The following ZSCAN5B variants were observed in gnomAD, a reference collection of about 807,000 sequenced individuals.
ZSCAN5B encodes zinc finger and SCAN domain-containing protein 5B.
Under a neutral mutation model 25.2 loss-of-function variants are expected in ZSCAN5B, and 26 were observed. The observed-to-expected ratio is 1.03, with a 90% CI of 0.76 to 1.43. ZSCAN5B has a LOEUF of 1.43. Ranked by LOEUF, ZSCAN5B falls within the 40% of genes most tolerant of loss-of-function variation. The pLI, the probability that ZSCAN5B is intolerant of heterozygous loss-of-function variation, is 0.00. For missense variants in ZSCAN5B, 745 were observed against 622.1 expected, an observed-to-expected ratio of 1.20 and a Z score of -2.10; for synonymous variants, 244 against 240.9, an observed-to-expected ratio of 1.01 and a Z score of -0.12.
chr19:56,190,585 G>A lies in ZSCAN5B; in HGVS notation c.740-10C>T. ...TTTGCTCTCACCAGATCTGGTGGAA[G>A]AAGGGATTCCACACACAACAGTTAA... On this transcript the variant is annotated splice_polypyrimidine_tract_variant and intron_variant, in intron 4 of 4. Coordinates refer to ENST00000586855, the Ensembl canonical transcript of ZSCAN5B. 6.2e-7 allele frequency: 1 copy of A among 1,608,668 alleles called. No homozygotes were observed. The highest frequency in any genetic ancestry group is 8.5e-7 in the Non-Finnish European group (1 of 1,178,870).
exon 4 of ZSCAN5B, chr19:56,190,962 C>A: frequency 6.2e-7 from 1 of 1,614,052 alleles, no homozygotes; most frequent in South Asian, 1.1e-5. Context: ...TACGTCAATA[C>A]TCTTGTGTAG....
chr19:56,191,615 T>A (rs1225305773), intron 3 of ZSCAN5B, among the ~76,000 whole-genome samples: 2 of 151,696 alleles, frequency 1.3e-5, no homozygotes, highest in Non-Finnish European at 2.9e-5. Flanking sequence ...ACTGAGACCA[T>A]TTCTTACCCA....
chr19:56,190,397 A>C (rs527687405), exon 5 of ZSCAN5B: 2 of 1,613,998 alleles, frequency 1.2e-6, no homozygotes, highest in African/African-American at 2.7e-5. Context: ...CTTCTTGGGA[A>C]ATGGAGGAGG....
exon 5 of ZSCAN5B, chr19:56,190,561 T>G: frequency 6.2e-7 from 1 of 1,612,412 alleles, no homozygotes; most frequent in Non-Finnish European, 8.5e-7. Context: ...TTCCCCTCCT[T>G]TGCTCTCACC....
At chr19:56,193,144 T>G in exon 2 of ZSCAN5B, 1 of 1,363,696 alleles carries the variant, frequency 7.3e-7, no homozygotes, top group Non-Finnish European at 9.7e-7. Context: ...TGCCCCTGTT[T>G]CTTCTCAGTA....
chr19:56,194,887 G>A (rs2032788713), intron 1 of ZSCAN5B, among the ~76,000 whole-genome samples: 1 of 152,182 alleles, frequency 6.6e-6, no homozygotes. Context: ...ATAGGCGTGA[G>A]CCATCGCGCA....
intron 1 of ZSCAN5B, among the ~76,000 whole-genome samples, chr19:56,196,675 C>T (rs534839515): frequency 1.3e-4 from 20 of 152,244 alleles, no homozygotes; most frequent in African/African-American, 4.1e-4. Context: ...CTCTGGGAGG[C>T]GGAGGTGGCA....
rs765870687 is a variant in ZSCAN5B at position 56,192,989 on chromosome 19, T to A, written c.64A>T (p.Thr22Ser). 1.9e-6 allele frequency: 3 copies of A among 1,606,480 alleles called. No individual in the cohort carries two copies. In the South Asian group the frequency reaches 3.3e-5, roughly 18 times the overall value. ...TCTGGGGACGCCACAGACCGTGGAGTGTCTGACCCAGGGCTGTTGCAGGGT... is the reference window on the plus strand; with the variant it reads ...TCTGGGGACGCCACAGACCGTGGAGAGTCTGACCCAGGGCTGTTGCAGGGT... Residue 22 changes from threonine to serine, a missense_variant, in exon 2 of 5, where the codon ACT becomes TCT. Physicochemically the swap from Thr to Ser is moderately conservative, Grantham distance 58. Transcript: ENST00000586855.
intron 1 of ZSCAN5B, among the ~76,000 whole-genome samples, chr19:56,195,997 T>C (rs963833450): frequency 1.1e-4 from 16 of 152,296 alleles, no homozygotes; most frequent in African/African-American, 3.9e-4. Flanking sequence ...AATTCTGGGA[T>C]TACGTGTGAG....
intron 1 of ZSCAN5B, among the ~76,000 whole-genome samples, chr19:56,195,219 G>A (rs1391536695): frequency 6.6e-6 from 1 of 152,074 alleles, no homozygotes; most frequent in Non-Finnish European, 1.5e-5. Context: ...ACCCAGAGGA[G>A]GAGACAATAT....
chr19:56,197,236 G>A (rs1226256247), intron 1 of ZSCAN5B, among the ~76,000 whole-genome samples: 2 of 150,560 alleles, frequency 1.3e-5, no homozygotes, highest in Non-Finnish European at 2.9e-5. Context: ...GCAATGGCGC[G>A]ACCTCGGCTC....
chr19:56,189,977 T>G, exon 5 of ZSCAN5B: 1 of 1,613,896 alleles, frequency 6.2e-7, no homozygotes, highest in Non-Finnish European at 8.5e-7. Flanking sequence ...GGCTGAAAAC[T>G]TTGCTGCAGT....
chr19:56,195,678 AGC>A lies in ZSCAN5B; in HGVS notation c.-128+2054_-128+2055del, dbSNP rs61469428. ...CAGGACGTGGACTCCAAAACAGTGAAGCTCTGAAGTGACAGACGGTGGGAAGG... is the reference window on the plus strand; with the variant it reads ...CAGGACGTGGACTCCAAAACAGTGAATCTGAAGTGACAGACGGTGGGAAGG... On this transcript the variant is annotated intron_variant, in intron 1 of 4. Coordinates refer to ENST00000586855, the Ensembl canonical transcript of ZSCAN5B. 1.3e-3 allele frequency among the ~76,000 whole-genome samples: 203 copies of A among 152,182 alleles called. 3 individuals carry two copies. The highest frequency in any genetic ancestry group is 4.4e-3 in the African/African-American group (182 of 41,506).
intron 2 of ZSCAN5B, 107 bp downstream of exon 2, chr19:56,192,562 A>C: frequency 6.7e-7 from 1 of 1,502,820 alleles, no homozygotes; most frequent in Admixed American, 2.2e-5. Flanking sequence ...TCCATCTCCT[A>C]GGTCAGGTAT....
Position 56,197,807 on chromosome 19 carries a change from T to G in ZSCAN5B, c.-201A>C, listed in dbSNP as rs1972782. ...CCAACCGGCCTGGAGCTGAACTGCGTCTATTTATGGAGAAGCGGGACTCCA... is the reference window on the plus strand; with the variant it reads ...CCAACCGGCCTGGAGCTGAACTGCGGCTATTTATGGAGAAGCGGGACTCCA... On this transcript the variant is annotated 5_prime_UTR_variant, in exon 1 of 5. Transcript: ENST00000586855. 7 of 975,946 alleles carry G rather than the reference T, an allele frequency of 7.2e-6. No homozygotes were observed. In the South Asian group the frequency reaches 1.4e-4, roughly 20 times the overall value. The allele number at this position is 975,946 out of a possible 1,614,324, so 60.5% of individuals were successfully genotyped here. A position where few individuals can be genotyped will look rare whatever the true frequency, so the allele number is the denominator to read the frequency against.
chr19:56,197,399 G>A (rs995260941), intron 1 of ZSCAN5B, among the ~76,000 whole-genome samples: 4 of 151,932 alleles, frequency 2.6e-5, no homozygotes, highest in Admixed American at 1.3e-4. Flanking sequence ...CACCACGCCC[G>A]GCTAATTTTT....
At chr19:56,191,063 A>C (rs972563019) in intron 3 of ZSCAN5B, 76 bp from the exon 4 acceptor site, 1 of 1,597,088 alleles carries the variant, frequency 6.3e-7, no homozygotes, top group South Asian at 1.1e-5. Context: ...TCCCCTCCTG[A>C]CTGGACACAC....
At chr19:56,190,704 G>A in intron 4 of ZSCAN5B, 129 bp from the exon 5 acceptor site, 2 of 1,540,454 alleles carry the variant, frequency 1.3e-6, no homozygotes, top group South Asian at 1.3e-5. Context: ...ACATTGGACT[G>A]TAGGTCTCTG....
chr19:56,191,049 T>C, intron 3 of ZSCAN5B, 62 bp from the exon 4 acceptor site: 2 of 1,604,798 alleles, frequency 1.2e-6, no homozygotes, highest in Non-Finnish European at 1.7e-6. Flanking sequence ...TAGGGACATG[T>C]CTGTCCCCTC....
Sources: allele counts gnomAD v4.1 joint callset (sites outside exome capture counted in the v4.1 genomes callset), GRCh38; gene constraint gnomAD v4.1.1; transcripts MANE v1.5; gene names NCBI Gene and HGNC (gene_info 2026-07-23, HGNC 2026-07-21).